The following OSBP2 variants were observed in gnomAD, a reference collection of about 807,000 sequenced individuals.
The protein encoded by OSBP2 is oxysterol binding protein 2.
A neutral mutation model predicts 96.0 loss-of-function variants in OSBP2; 66 were observed. The ratio of observed to expected loss-of-function variants is 0.69; its 90% CI spans 0.56 to 0.84. OSBP2 has a LOEUF of 0.84. OSBP2 is among the 40% of genes least tolerant of loss of function. OSBP2 has a pLI of 0.00. For missense variants in OSBP2, 1,038 were observed against 1,222.7 expected (o/e 0.85, Z 2.25); for synonymous variants, 525 against 520.9 (o/e 1.01, Z -0.11).
intron 1 of OSBP2, among the ~76,000 whole-genome samples, chr22:30,713,150 C>T (rs2145689255): frequency 6.7e-6 from 1 of 149,634 alleles, no homozygotes; most frequent in Non-Finnish European, 1.5e-5. Context: ...GTGATCTCGG[C>T]TCACTGCAAG....
rs1024166353 is a variant in OSBP2 at position 30,716,684 on chromosome 22, C to T, written c.644+21131C>T. On this transcript the variant is annotated intron_variant, in intron 1 of 13. Transcript: ENST00000332585. ...AACTCCTGACCTCAAGTGATCTGCC[C>T]GCCTCAGCTTCCCAAAATGCTGGGA... 7.9e-5 allele frequency among the ~76,000 whole-genome samples: 12 copies of T among 152,002 alleles called. No homozygotes were observed. In the South Asian group the frequency reaches 1.5e-3, roughly 18 times the overall value.
chr22:30,902,122 A>AC lies in OSBP2; in HGVS notation c.2376-3715_2376-3714insC, dbSNP rs1256153000. ...CTTAGCAATATAAGAAAAAAAAAAA[A>AC]AACGAAAAAAAAAAAACCAAAAAAA... On this transcript the variant is annotated intron_variant, in intron 12 of 13. Coordinates refer to ENST00000332585, the MANE Select transcript of OSBP2 (RefSeq NM_030758.4). The AC allele has an allele frequency of 7.5e-5, 17 of 225,650 alleles. 2 individuals are homozygous for AC. The African/African-American group carries it at 8.4e-4, about 11-fold the overall frequency. The allele number at this position is 225,650 out of a possible 1,614,324, so 14.0% of individuals were successfully genotyped here.
At chr22:30,779,643 C>G (rs915970951) in intron 2 of OSBP2, among the ~76,000 whole-genome samples, 1 of 152,092 alleles carries the variant, frequency 6.6e-6, no homozygotes, top group East Asian at 1.9e-4. Context: ...AGGAGCTGGA[C>G]GAAGTAACCC....
At chr22:30,810,907 C>T (rs2090997422) in intron 2 of OSBP2, among the ~76,000 whole-genome samples, 1 of 152,128 alleles carries the variant, frequency 6.6e-6, no homozygotes, top group African/African-American at 2.4e-5. Context: ...CGTAGGGCAT[C>T]ACAGGTTTCA....
chr22:30,854,459 C>T (rs551644841), intron 2 of OSBP2, among the ~76,000 whole-genome samples: 12 of 151,834 alleles, frequency 7.9e-5, no homozygotes, highest in African/African-American at 1.9e-4. Flanking sequence ...CAGGCACGCA[C>T]GACCATGCCC....
chr22:30,727,035 C>A (rs1373655891), intron 1 of OSBP2, among the ~76,000 whole-genome samples: 1 of 152,150 alleles, frequency 6.6e-6, no homozygotes, highest in Non-Finnish European at 1.5e-5. Context: ...ATGGAAGGGG[C>A]TGGGAGTAGG....
At chr22:30,764,514 C>A in intron 2 of OSBP2, 1 of 471,498 alleles carries the variant, frequency 2.1e-6, no homozygotes, top group Non-Finnish European at 2.8e-6. Context: ...ACCCTGCTGC[C>A]TGTGTGCCTG....
rs1462477697 is a variant in OSBP2, at chr22:30,870,674, A to G, written c.1099A>G (p.Met367Val). ...CCTCTTCCGCATCACATCCAATGCT[A>G]TGATCAACGTGAGTACCCACCCCCA... ...ATLFRITSNA[M>V]INACRDFLEL... The change falls in exon 3 of 14, where the codon ATG (methionine) becomes GTG (valine). Residue 367 changes from methionine (M) to valine (V), a missense_variant. By Grantham distance (21) the Met-to-Val change is conservative. Coordinates refer to ENST00000332585, the MANE Select transcript of OSBP2 (RefSeq NM_030758.4). The surrounding 1 kb of genome is among the most constrained non-coding windows in gnomAD (Gnocchi z 4.1). 4 of 1,613,266 alleles carry G rather than the reference A, an allele frequency of 2.5e-6. No individual in the cohort carries two copies. Among genetic ancestry groups the G allele is most frequent in the South Asian group, 2.2e-5 (2 of 91,068 alleles).
intron 2 of OSBP2, among the ~76,000 whole-genome samples, chr22:30,866,534 C>G (rs185917108): frequency 1.3e-5 from 2 of 152,296 alleles, no homozygotes; most frequent in Non-Finnish European, 2.9e-5. Context: ...GTCAGGAGTT[C>G]AAGACCAGCC....
At chr22:30,894,235 C>T in intron 12 of OSBP2, 1 of 478,454 alleles carries the variant, frequency 2.1e-6, no homozygotes, top group Non-Finnish European at 3.7e-6. Context: ...AGAGCCCCTC[C>T]CTGTTCCTCC....
At chr22:30,814,021 C>T (rs903493793) in intron 2 of OSBP2, among the ~76,000 whole-genome samples, 3 of 152,022 alleles carry the variant, frequency 2.0e-5, no homozygotes, top group Non-Finnish European at 2.9e-5. Flanking sequence ...AGGCTGGTCT[C>T]GAACTCCTGA....
At chr22:30,853,254 T>G (rs1462350228) in intron 2 of OSBP2, among the ~76,000 whole-genome samples, 1 of 152,238 alleles carries the variant, frequency 6.6e-6, no homozygotes, top group African/African-American at 2.4e-5. Context: ...CTTTCTCCTC[T>G]TATTTCTGTT....
intron 2 of OSBP2, among the ~76,000 whole-genome samples, chr22:30,807,470 G>A (rs976679808): frequency 1.8e-4 from 27 of 152,146 alleles, no homozygotes; most frequent in Admixed American, 5.2e-4. Context: ...CACAGATTCT[G>A]CTCTCGGCAC....
chr22:30,699,029 A>T (rs989871373), intron 1 of OSBP2, among the ~76,000 whole-genome samples: 14 of 150,568 alleles, frequency 9.3e-5, no homozygotes, highest in South Asian at 2.1e-4. Context: ...ACACCCTCCC[A>T]CTCCCAGGTT....
chr22:30,773,058 C>A (rs1359776405), intron 2 of OSBP2: 1 of 151,086 alleles, frequency 6.6e-6, no homozygotes, highest in Non-Finnish European at 1.5e-5. Flanking sequence ...TCCCAAAGTG[C>A]TGGGATTACA....
intron 1 of OSBP2, among the ~76,000 whole-genome samples, chr22:30,714,996 A>C (rs976625080): frequency 6.6e-6 from 1 of 151,598 alleles, no homozygotes; most frequent in African/African-American, 2.4e-5. Context: ...TTTTTTAGGA[A>C]TCTCCATACT....
In OSBP2 at chr22:30,810,685, G is replaced by A. The variant is rs5749167; in HGVS notation, c.854-59744G>A. Among the ~76,000 whole-genome samples, 1,268 of 152,190 alleles carry A rather than the reference G, an allele frequency of 8.3e-3. 95 individuals are homozygous for A. The East Asian group carries it at 0.2, about 23-fold the overall frequency. On this transcript the variant is annotated intron_variant, in intron 2 of 13. Coordinates refer to ENST00000332585, the MANE Select transcript of OSBP2 (RefSeq NM_030758.4). Reference sequence around the variant, plus strand: ...GCTGTGTCCATTCTTTGCAGGGCCCGTCACCATGGGCGGCTCTGCTCCTCC... The same window carrying A: ...GCTGTGTCCATTCTTTGCAGGGCCCATCACCATGGGCGGCTCTGCTCCTCC...
chr22:30,790,826 CTA>C (rs549248945), intron 2 of OSBP2, among the ~76,000 whole-genome samples: 130 of 152,218 alleles, frequency 8.5e-4, no homozygotes, highest in Middle Eastern at 3.4e-3. Context: ...TCCCGTATCT[CTA>C]TGTTTGCTTC....
intron 1 of OSBP2, among the ~76,000 whole-genome samples, chr22:30,725,545 C>CAA (rs71202009): frequency 0.017 from 2,488 of 144,018 alleles, 32 homozygotes; most frequent in Non-Finnish European, 0.024. Context: ...AAAACAAAAA[C>CAA]AAAAAAAAAA....
Sources: gnomAD v4.1 joint callset for allele counts (sites outside exome capture counted in the v4.1 genomes callset) on GRCh38, gnomAD v4.1.1 for gene constraint, Gnocchi (gnomAD v3.1) non-coding constraint, MANE v1.5 for transcripts, NCBI Gene and HGNC (gene_info 2026-07-23, HGNC 2026-07-21) for gene names.